The following MUS81 variants were observed in gnomAD, a reference collection of about 807,000 sequenced individuals.
MUS81 encodes the protein MUS81 structure-specific endonuclease subunit, also known as structure-specific endonuclease subunit MUS81.
In MUS81, 69 loss-of-function variants were observed where a neutral mutation model predicts 74.2. That is an observed-to-expected ratio of 0.93 (90% CI 0.77 to 1.14). The LOEUF is 1.14. Ranked by LOEUF, MUS81 falls within the 50% of genes most tolerant of loss-of-function variation. MUS81 has a pLI of 0.00. For synonymous variants in MUS81, 303 were observed against 300.6 expected (o/e 1.01, Z -0.08); for missense variants, 711 against 726.5 (o/e 0.98, Z 0.25).
At chr11:65,863,752 G>T (rs753341083) in intron 9 of MUS81, 31 bp downstream of exon 9, 1 of 1,614,142 alleles carries the variant, frequency 6.2e-7, no homozygotes, top group East Asian at 2.2e-5. Context: ...TGGCACCAGG[G>T]GCAGGGCCTG....
upstream of MUS81, chr11:65,860,181 G>T (rs914911657): frequency 4.5e-6 from 2 of 442,006 alleles, no homozygotes; most frequent in South Asian, 3.1e-5. Context: ...ACCCATTTCT[G>T]GGTGTCCCTC....
At chr11:65,863,278 A>C in intron 7 of MUS81, 73 bp downstream of exon 7, 1 of 1,579,300 alleles carries the variant, frequency 6.3e-7, no homozygotes, top group Non-Finnish European at 8.6e-7. Flanking sequence ...CCCCGCCCCA[A>C]CCCATCACCT....
chr11:65,865,015 A>T lies in MUS81; in HGVS notation c.1273-2A>T. 1 of 1,613,282 alleles carries T rather than the reference A, an allele frequency of 6.2e-7. No homozygotes were observed. Among genetic ancestry groups the T allele is most frequent in the Non-Finnish European group, 8.5e-7 (1 of 1,179,966 alleles). ...CCTGGCCTCAGTCCCTTCTTCCCTCAGGGCCACACCCTACGCAGCCGCCCC... is the reference window on the plus strand; with the variant it reads ...CCTGGCCTCAGTCCCTTCTTCCCTCTGGGCCACACCCTACGCAGCCGCCCC... On this transcript the variant is annotated splice_acceptor_variant, in intron 12 of 15. Coordinates refer to ENST00000308110, the MANE Select transcript of MUS81 (RefSeq NM_025128.5). LOFTEE classifies it high-confidence loss of function.
At chr11:65,863,342 G>A (rs556272944) in intron 7 of MUS81, 68 bp from the exon 8 acceptor site, 5 of 1,600,202 alleles carry the variant, frequency 3.1e-6, no homozygotes, top group Non-Finnish European at 4.3e-6. Flanking sequence ...GTGTCGGGTG[G>A]CATGGGTGTG....
intron 14 of MUS81, chr11:65,865,593 G>T (rs569865155): frequency 8.4e-5 from 53 of 631,950 alleles, no homozygotes; most frequent in Non-Finnish European, 1.4e-4. Context: ...ATTAAGGGGA[G>T]TGAGGGTGAA....
At chr11:65,867,319 A>G (rs765043083), downstream of MUS81, 16 of 578,952 alleles carry the variant, frequency 2.8e-5, no homozygotes, top group African/African-American at 5.6e-5. Context: ...GCTCTGTCTG[A>G]CCCAGGCTAA....
downstream of MUS81, chr11:65,867,151 C>T (rs1462860263): frequency 1.9e-6 from 3 of 1,589,042 alleles, no homozygotes; most frequent in Non-Finnish European, 2.6e-6. Flanking sequence ...CCAGCGTCAC[C>T]TCCCTGCCCC....
chr11:65,864,189 G>T, intron 10 of MUS81: 1 of 585,736 alleles, frequency 1.7e-6, no homozygotes, highest in Non-Finnish European at 3.1e-6. Flanking sequence ...TCCAGGAGTG[G>T]AAATACAGAG....
Position 65,864,547 on chromosome 11 carries a change from G to T in MUS81, c.1110G>T (p.Glu370Asp). ...GLERRVYLVE[E>D]HGSVHNLSLP... ...AGCGCCGGGTATACCTGGTGGAAGA[G>T]CATGGTTCCGTCCACAACCTCAGCC... Residue 370 changes from glutamate to aspartate, a missense_variant, in exon 11 of 16, where the codon GAG becomes GAT. Coordinates refer to ENST00000308110, the MANE Select transcript of MUS81 (RefSeq NM_025128.5). 1 of 1,614,186 alleles carries T rather than the reference G, an allele frequency of 6.2e-7. No individual in the cohort carries two copies. The highest frequency in any genetic ancestry group is 8.5e-7 in the Non-Finnish European group (1 of 1,180,028).
In MUS81 at chr11:65,860,698, C is replaced by A. The variant is rs528497133; in HGVS notation, c.-56C>A. The A allele has an allele frequency of 3.1e-5, 47 of 1,532,506 alleles. No individual in the cohort carries two copies. In the African/African-American group the frequency reaches 6.3e-4, roughly 21 times the overall value. 94.9% of individuals were successfully genotyped at this position (1,532,506 alleles called of 1,614,324 possible). A position where few individuals can be genotyped will look rare whatever the true frequency, so the allele number is the denominator to read the frequency against. On this transcript the variant is annotated 5_prime_UTR_variant, in exon 1 of 16. It adds an upstream start codon to the 5' untranslated region. Coordinates refer to ENST00000308110, the MANE Select transcript of MUS81 (RefSeq NM_025128.5). ...AGGTGTTCGAATCCCGACTCCAGAA[C>A]TGGCGGCGTCCCAGTCCCGCGGGCG...
At chr11:65,863,330 G>A in intron 7 of MUS81, 80 bp from the exon 8 acceptor site, 1 of 1,591,622 alleles carries the variant, frequency 6.3e-7, no homozygotes, top group Non-Finnish European at 8.6e-7. Flanking sequence ...GGTGGGTGGT[G>A]GGTGTCGGGT....
downstream of MUS81, chr11:65,867,033 G>A (rs372299119): frequency 4.7e-5 from 76 of 1,614,052 alleles, no homozygotes; most frequent in Non-Finnish European, 5.8e-5. Context: ...CCGGGGGCCC[G>A]TCACCGGCCG....
chr11:65,863,549 G>A (rs751565976), intron 8 of MUS81, 47 bp downstream of exon 8: 59 of 1,613,916 alleles, frequency 3.7e-5, no homozygotes, highest in Admixed American at 8.3e-5. Flanking sequence ...AGGAGGCTGG[G>A]GGGTAGGCAC....
chr11:65,864,686 A>G (rs1433891372), intron 11 of MUS81, 34 bp from the exon 12 acceptor site: 1 of 1,613,222 alleles, frequency 6.2e-7, no homozygotes, highest in South Asian at 1.1e-5. Flanking sequence ...CTAGGCCAGG[A>G]GCCACCTTCC....
chr11:65,863,280 C>A (rs1859684280), intron 7 of MUS81, 75 bp downstream of exon 7: 2 of 1,577,888 alleles, frequency 1.3e-6, no homozygotes, highest in Admixed American at 3.6e-5. Flanking sequence ...CCGCCCCAAC[C>A]CATCACCTGC....
At chr11:65,860,414 C>T (rs1174332316), upstream of MUS81, 4 of 505,706 alleles carry the variant, frequency 7.9e-6, no homozygotes, top group Admixed American at 9.8e-5. Context: ...CACAAAGACC[C>T]CGCTCTCGAA....
At position 65,865,022 on chromosome 11, in the gene MUS81, C is replaced by T. The variant is rs755336611; in HGVS notation, c.1278C>T (p.His426=). 1 of 1,613,530 alleles carries T rather than the reference C, an allele frequency of 6.2e-7. No homozygotes were observed. Among genetic ancestry groups the T allele is most frequent in the African/African-American group, 1.3e-5 (1 of 74,930 alleles). Residue 426 remains histidine, a synonymous_variant, in exon 13 of 16, where the codon CAC becomes CAT. Transcript: ENST00000308110. ...TCAGTCCCTTCTTCCCTCAGGGCCA[C>T]ACCCTACGCAGCCGCCCCTGGGGAA... ...TRGLQRLYQG[H]TLRSRPWGTP... is the part of the protein sequence containing the mutation.
In MUS81 at chr11:65,866,422, A is replaced by G. The variant is rs1859839182; in HGVS notation, c.*370A>G. On this transcript the variant is annotated 3_prime_UTR_variant, in exon 16 of 16. Coordinates refer to ENST00000308110, the MANE Select transcript of MUS81 (RefSeq NM_025128.5). ...ATAAAAATAAATAAAACTTCCTAAA[A>G]GAAAAGATTGAAAACCACTAACAGT... The G allele has an allele frequency of 1.5e-6, 1 of 649,184 alleles. No individual in the cohort carries two copies. Among genetic ancestry groups the G allele is most frequent in the Admixed American group, 2.7e-5 (1 of 36,976 alleles). The allele number at this position is 649,184 out of a possible 1,614,324, so 40.2% of individuals were successfully genotyped here. A position where few individuals can be genotyped will look rare whatever the true frequency, so the allele number is the denominator to read the frequency against.
At chr11:65,866,580 C>T (rs1859844694), downstream of MUS81, 1 of 702,852 alleles carries the variant, frequency 1.4e-6, no homozygotes, top group East Asian at 2.7e-5. Flanking sequence ...TCTTAGGACC[C>T]CTGCAAGCCA....
Sources: allele counts gnomAD v4.1 joint callset, GRCh38; gene constraint gnomAD v4.1.1; transcripts MANE v1.5; gene names NCBI Gene and HGNC (gene_info 2026-07-23, HGNC 2026-07-21).